The following ELP4 variants were observed in gnomAD, a reference collection of about 807,000 sequenced individuals.
ELP4 encodes the protein elongator acetyltransferase complex subunit 4.
In ELP4, 51 loss-of-function variants were observed where a neutral mutation model predicts 48.9. That is an observed-to-expected ratio of 1.04 (90% CI 0.83 to 1.32). ELP4 has a LOEUF of 1.32. Ranked by LOEUF, ELP4 falls within the 40% of genes most tolerant of loss-of-function variation. The pLI is 0.00. For missense variants in ELP4, 519 were observed against 514.6 expected, an observed-to-expected ratio of 1.01 and a Z score of -0.08; for synonymous variants, 210 against 189.2, an observed-to-expected ratio of 1.11 and a Z score of -0.90.
At chr11:31,569,255 G>T (rs1957158681) in intron 3 of ELP4, among the ~76,000 whole-genome samples, 1 of 152,096 alleles carries the variant, frequency 6.6e-6, no homozygotes, top group South Asian at 2.1e-4. Flanking sequence ...TGACAAGTGG[G>T]ACCTAATTAA....
intron 5 of ELP4, among the ~76,000 whole-genome samples, chr11:31,617,516 A>G (rs1307936556): frequency 6.6e-6 from 1 of 152,060 alleles, no homozygotes; most frequent in African/African-American, 2.4e-5. Context: ...GTTTAACTTA[A>G]TGTTAAGTTG....
intron 2 of ELP4, among the ~76,000 whole-genome samples, chr11:31,535,325 C>A (rs764970547): frequency 2.0e-5 from 3 of 151,878 alleles, no homozygotes; most frequent in Non-Finnish European, 4.4e-5. Flanking sequence ...CAATAAAATG[C>A]ACCCATTTGT....
intron 9 of ELP4, among the ~76,000 whole-genome samples, chr11:31,708,216 CT>C (rs1240928196): frequency 5.9e-5 from 9 of 151,876 alleles, no homozygotes; most frequent in Admixed American, 1.3e-4. Flanking sequence ...ACAGGGAAAC[CT>C]TCTACTTCTC....
chr11:31,742,332 A>T (rs1000324017), intron 9 of ELP4, among the ~76,000 whole-genome samples: 3 of 152,224 alleles, frequency 2.0e-5, no homozygotes, highest in African/African-American at 4.8e-5. Flanking sequence ...GCAGGATATT[A>T]TCCAGGAGAA....
At chr11:31,719,732 T>C in intron 9 of ELP4, 1 of 339,732 alleles carries the variant, frequency 2.9e-6, no homozygotes, top group African/African-American at 2.1e-5. Flanking sequence ...AATACTGACT[T>C]TTCGCTAATG....
intron 9 of ELP4, among the ~76,000 whole-genome samples, chr11:31,750,723 C>T (rs1592280186): frequency 1.3e-5 from 2 of 152,186 alleles, no homozygotes; most frequent in East Asian, 3.9e-4. Context: ...TTTCTCCTTC[C>T]AGCCAGAATA....
intron 9 of ELP4, among the ~76,000 whole-genome samples, chr11:31,660,937 T>C (rs1293652007): frequency 2.0e-5 from 3 of 152,102 alleles, no homozygotes; most frequent in Non-Finnish European, 4.4e-5. Context: ...GAATTAATAA[T>C]GATCTGTACT....
intron 9 of ELP4, among the ~76,000 whole-genome samples, chr11:31,668,902 A>G (rs7131636): frequency 0.64 from 96,140 of 151,374 alleles, 32,972 homozygotes; most frequent in Non-Finnish European, 0.76. Flanking sequence ...TTATGAAGGT[A>G]TTTTAGTTGA....
At chr11:31,753,692 A>ATATAGCATT (rs1181502501) in intron 9 of ELP4, among the ~76,000 whole-genome samples, 1 of 152,252 alleles carries the variant, frequency 6.6e-6, no homozygotes, top group Non-Finnish European at 1.5e-5. Flanking sequence ...AGAATGTTGA[A>ATATAGCATT]TATAGCATTT....
chr11:31,704,380 C>A (rs181173838), intron 9 of ELP4, among the ~76,000 whole-genome samples: 1 of 152,110 alleles, frequency 6.6e-6, no homozygotes, highest in East Asian at 1.9e-4. Flanking sequence ...AGCAAACTAT[C>A]GCAAGAACAA....
intron 4 of ELP4, among the ~76,000 whole-genome samples, chr11:31,598,582 A>G (rs1957721500): frequency 7.8e-6 from 1 of 127,552 alleles, no homozygotes; most frequent in Admixed American, 1.1e-4. Context: ...ATTATGTCTC[A>G]CTGCAACCTT....
chr11:31,671,912 T>C (rs1322385934), intron 9 of ELP4, among the ~76,000 whole-genome samples: 3 of 152,238 alleles, frequency 2.0e-5, no homozygotes, highest in African/African-American at 7.2e-5. Flanking sequence ...TGCTAGCAGC[T>C]AAAATAGGTC....
rs1274050372 is a variant in ELP4 at position 31,790,240 on chromosome 11, C to A, written c.*6716C>A. 9.4e-6 allele frequency: 5 copies of A among 530,766 alleles called. No individual in the cohort carries two copies. Among genetic ancestry groups the A allele is most frequent in the Non-Finnish European group, 1.3e-5 (4 of 313,586 alleles). 32.9% of individuals were successfully genotyped at this position (530,766 alleles called of 1,614,324 possible). A position where few individuals can be genotyped will look rare whatever the true frequency, so the allele number is the denominator to read the frequency against. On this transcript the variant is annotated 3_prime_UTR_variant, in exon 10 of 10. Transcript: ENST00000640961. ...TACCTATTGGATCCCAAGTACCCCC[C>A]ACCCCAATCCAAAGGAAAAGAAAAA...
intron 6 of ELP4, among the ~76,000 whole-genome samples, chr11:31,627,719 T>A (rs1305626045): frequency 6.6e-6 from 1 of 152,122 alleles, no homozygotes; most frequent in East Asian, 1.9e-4. Flanking sequence ...TTTCCACTAA[T>A]AAAGATGTTC....
At chr11:31,523,044 T>A (rs1272793950) in intron 2 of ELP4, among the ~76,000 whole-genome samples, 1 of 151,504 alleles carries the variant, frequency 6.6e-6, no homozygotes, top group Non-Finnish European at 1.5e-5. Flanking sequence ...TATTAATTTT[T>A]TTTTTTTTGG....
intron 3 of ELP4, among the ~76,000 whole-genome samples, chr11:31,573,235 T>C (rs760161237): frequency 6.6e-6 from 1 of 152,202 alleles, no homozygotes; most frequent in Non-Finnish European, 1.5e-5. Flanking sequence ...CTACCACCAC[T>C]TGACCCCTGG....
At chr11:31,716,434 T>C (rs1946843497) in intron 9 of ELP4, among the ~76,000 whole-genome samples, 1 of 152,222 alleles carries the variant, frequency 6.6e-6, no homozygotes, top group Admixed American at 6.5e-5. Flanking sequence ...TGCCTCAGTT[T>C]TCTCATTTGT....
intron 3 of ELP4, among the ~76,000 whole-genome samples, chr11:31,594,352 A>G (rs1046737441): frequency 6.6e-6 from 1 of 152,100 alleles, no homozygotes; most frequent in Non-Finnish European, 1.5e-5. Context: ...GCTTTTTTGA[A>G]TTCTAAAATT....
chr11:31,675,725 T>C (rs1309446502), intron 9 of ELP4, among the ~76,000 whole-genome samples: 1 of 152,218 alleles, frequency 6.6e-6, no homozygotes, highest in Non-Finnish European at 1.5e-5. Flanking sequence ...CTAAAAACTC[T>C]ATAGTTATAC....
Sources: gnomAD v4.1 joint callset for allele counts (sites outside exome capture counted in the v4.1 genomes callset) on GRCh38, gnomAD v4.1.1 for gene constraint, MANE v1.5 for transcripts, NCBI Gene and HGNC (gene_info 2026-07-23, HGNC 2026-07-21) for gene names.